SLCO5A1: variants seen among roughly 807,000 people sequenced by gnomAD.
SLCO5A1 encodes solute carrier organic anion transporter family member 5A1, also known as organic anion transporter polypeptide-related protein 4.
Under a neutral mutation model 65.1 loss-of-function variants are expected in SLCO5A1, and 39 were observed. The ratio of observed to expected loss-of-function variants is 0.60; its 90% CI spans 0.46 to 0.78. The LOEUF (loss-of-function observed/expected upper bound fraction) is 0.78. Ranked by LOEUF, SLCO5A1 falls within the 30% of genes least tolerant of loss-of-function variation. SLCO5A1 has a pLI of 0.00. For missense variants in SLCO5A1, 1,029 were observed against 1,069.4 expected (o/e 0.96, Z 0.53); for synonymous variants, 438 against 415.7 (o/e 1.05, Z -0.65).
At chr8:69,712,745 A>G (rs1815327069) in intron 5 of SLCO5A1, among the ~76,000 whole-genome samples, 1 of 152,184 alleles carries the variant, frequency 6.6e-6, no homozygotes, top group Non-Finnish European at 1.5e-5. Context: ...GTATCCTCCT[A>G]TTTATTTAGC....
chr8:69,792,615 A>G (rs1474771635), intron 2 of SLCO5A1, among the ~76,000 whole-genome samples: 2 of 152,220 alleles, frequency 1.3e-5, no homozygotes, highest in African/African-American at 2.4e-5. Context: ...TAGTCCAGAC[A>G]TGAAGTGGTA....
At chr8:69,716,466 A>G (rs1815544790) in intron 5 of SLCO5A1, among the ~76,000 whole-genome samples, 1 of 152,220 alleles carries the variant, frequency 6.6e-6, no homozygotes, top group Non-Finnish European at 1.5e-5. Context: ...ATTTCTACAC[A>G]TCTTCACCAA....
At chr8:69,777,398 A>T (rs1818605048) in intron 2 of SLCO5A1, among the ~76,000 whole-genome samples, 1 of 151,396 alleles carries the variant, frequency 6.6e-6, no homozygotes, top group African/African-American at 2.4e-5. Flanking sequence ...GGGACTGAGG[A>T]GGTCAGGCGG....
chr8:69,780,087 A>G (rs1237340003), intron 2 of SLCO5A1, among the ~76,000 whole-genome samples: 1 of 152,230 alleles, frequency 6.6e-6, no homozygotes, highest in Non-Finnish European at 1.5e-5. Flanking sequence ...AATGCAATTT[A>G]AAACAAAAAT....
At chr8:69,830,673 AC>A (rs763052274) in intron 2 of SLCO5A1, among the ~76,000 whole-genome samples, 10 of 152,152 alleles carry the variant, frequency 6.6e-5, no homozygotes, top group African/African-American at 9.7e-5. Context: ...GGTGCTAACA[AC>A]CTCAAATTTC....
intron 2 of SLCO5A1, among the ~76,000 whole-genome samples, chr8:69,763,528 G>A (rs1166478248): frequency 5.7e-5 from 8 of 141,564 alleles, no homozygotes; most frequent in South Asian, 4.6e-4. Flanking sequence ...GCTGAGGTGG[G>A]AAAATCACTT....
chr8:69,692,180 C>T (rs150753812), intron 6 of SLCO5A1, among the ~76,000 whole-genome samples: 4,311 of 152,112 alleles, frequency 0.028, 213 homozygotes, highest in African/African-American at 0.097. Flanking sequence ...ACCCGGGAGG[C>T]GGAGCTTGCA....
rs557378387 is a variant in SLCO5A1 at position 69,667,803 on chromosome 8, G to T, written c.*5066C>A. ...TTATTTTTGGCATCTGATTATTCTTGCTAAAATAAATATCAAAAGCACTGA... is the reference window on the plus strand; with the variant it reads ...TTATTTTTGGCATCTGATTATTCTTTCTAAAATAAATATCAAAAGCACTGA... On this transcript the variant is annotated 3_prime_UTR_variant, in exon 10 of 10. Transcript: ENST00000260126. 4.6e-4 allele frequency: 70 copies of T among 152,222 alleles called. No individual in the cohort carries two copies. The highest frequency in any genetic ancestry group is 1.7e-3 in the African/African-American group (69 of 41,536). The allele number at this position is 152,222 out of a possible 1,614,324, so 9.4% of individuals were successfully genotyped here.
intron 1 of SLCO5A1, chr8:69,834,128 A>ACACACACC (rs1476311167): frequency 6.9e-6 from 1 of 144,804 alleles, no homozygotes; most frequent in Non-Finnish European, 1.5e-5. Flanking sequence ...ACACACACAC[A>ACACACACC]CCGGCGTACT....
rs1267596449 is a variant in SLCO5A1 at position 69,679,415 on chromosome 8, C to T, written c.1987G>A (p.Ala663Thr). Residue 663 changes from alanine (A) to threonine (T), a missense_variant, in exon 8 of 10, where the codon GCA becomes ACA. Transcript: ENST00000260126. The stretch of plus-strand genomic sequence containing the variant: ...ATGATAGCTGATGGTTGGGCACATG[C>T]TGTGATGAAGGTGACTATGAAAAGA... Reference protein sequence around the residue: ...VFLFIVTFITACAQPSAIIVT... With the variant: ...VFLFIVTFITTCAQPSAIIVT... The T allele has an allele frequency of 1.2e-6, 2 of 1,614,176 alleles. No homozygotes were observed. The highest frequency in any genetic ancestry group is 8.5e-7 in the Non-Finnish European group (1 of 1,180,026).
intron 2 of SLCO5A1, among the ~76,000 whole-genome samples, chr8:69,764,502 A>T (rs1817962500): frequency 6.6e-6 from 1 of 152,186 alleles, no homozygotes; most frequent in South Asian, 2.1e-4. Context: ...TTGTAACAAT[A>T]AGACATTAAG....
At chr8:69,749,472 G>T (rs2130853509) in intron 4 of SLCO5A1, among the ~76,000 whole-genome samples, 1 of 152,142 alleles carries the variant, frequency 6.6e-6, no homozygotes, top group African/African-American at 2.4e-5. Flanking sequence ...ACAAAAATTA[G>T]CCAGGTGTGG....
chr8:69,711,346 GCCC>G (rs1188923419), intron 5 of SLCO5A1, among the ~76,000 whole-genome samples: 5 of 152,142 alleles, frequency 3.3e-5, no homozygotes, highest in Non-Finnish European at 5.9e-5. Context: ...CTGCGCCTCT[GCCC>G]CGACCCTGCC....
At chr8:69,689,899 G>T (rs1383702104) in intron 6 of SLCO5A1, among the ~76,000 whole-genome samples, 1 of 152,120 alleles carries the variant, frequency 6.6e-6, no homozygotes, top group Non-Finnish European at 1.5e-5. Context: ...GCTTGATGGG[G>T]ATGGCATTGA....
At chr8:69,797,624 G>A (rs1051185971) in intron 2 of SLCO5A1, among the ~76,000 whole-genome samples, 1 of 147,850 alleles carries the variant, frequency 6.8e-6, no homozygotes, top group African/African-American at 2.7e-5. Context: ...GCCACTTCGT[G>A]GCGGGGGGTG....
intron 2 of SLCO5A1, among the ~76,000 whole-genome samples, chr8:69,799,556 C>T (rs988792390): frequency 6.6e-6 from 1 of 152,128 alleles, no homozygotes; most frequent in Admixed American, 6.5e-5. Flanking sequence ...TGTCCATTCT[C>T]CCACTGTTGT....
chr8:69,760,677 A>G (rs1817730038), intron 3 of SLCO5A1, among the ~76,000 whole-genome samples: 1 of 152,234 alleles, frequency 6.6e-6, no homozygotes, highest in African/African-American at 2.4e-5. Flanking sequence ...AATCCACATG[A>G]AATGAATTCA....
intron 1 of SLCO5A1, 48 bp from the exon 2 acceptor site, chr8:69,833,217 G>A (rs1821257541): frequency 6.4e-6 from 1 of 156,918 alleles, no homozygotes; most frequent in East Asian, 1.9e-4. Flanking sequence ...TGCGGCTTGG[G>A]GCTAGCGTCC....
intron 5 of SLCO5A1, among the ~76,000 whole-genome samples, chr8:69,735,816 G>A (rs149262746): frequency 2.6e-5 from 4 of 152,140 alleles, no homozygotes. Flanking sequence ...ATGTATCCCA[G>A]AACTTAAAAT....
Sources: gnomAD v4.1 joint callset for allele counts (sites outside exome capture counted in the v4.1 genomes callset) on GRCh38, gnomAD v4.1.1 for gene constraint, MANE v1.5 for transcripts, NCBI Gene and HGNC (gene_info 2026-07-23, HGNC 2026-07-21) for gene names.